SCAF4: variants seen among roughly 807,000 people sequenced by gnomAD.
The protein encoded by SCAF4 is SR-related CTD associated factor 4.
In SCAF4, 25 loss-of-function variants were observed where a neutral mutation model predicts 129.8. The observed-to-expected ratio is 0.19, with a 90% CI of 0.14 to 0.27. The LOEUF (loss-of-function observed/expected upper bound fraction) is 0.27. Ranked by LOEUF, SCAF4 falls within the 10% of genes least tolerant of loss-of-function variation. The pLI is 1.00. For missense variants in SCAF4, 1,246 were observed against 1,457.1 expected, an observed-to-expected ratio of 0.86 and a Z score of 2.36; for synonymous variants, 551 against 497.7, an observed-to-expected ratio of 1.11 and a Z score of -1.43.
chr21:31,701,254 A>C, intron 6 of SCAF4, 83 bp from the exon 7 acceptor site: 3 of 1,274,070 alleles, frequency 2.4e-6, no homozygotes, highest in Non-Finnish European at 2.1e-6. Context: ...AAATGTCTTA[A>C]AGGTGATTCA....
At position 31,703,822 on chromosome 21, in the gene SCAF4, G is replaced by A; in HGVS notation, c.264C>T (p.Phe88=). The change falls in exon 4 of 20, where the codon TTC becomes TTT. Residue 88 remains phenylalanine (F), a synonymous_variant. Coordinates refer to ENST00000286835, the MANE Select transcript of SCAF4 (RefSeq NM_020706.2). Reference sequence around the variant, plus strand: ...GGAATGTGGCAGTTATGTTTTTAGAGAATCTTGGCCCAAAAACATCTTTAT... The same window carrying A: ...GGAATGTGGCAGTTATGTTTTTAGAAAATCTTGGCCCAAAAACATCTTTAT... ...GTDKDVFGPR[F]SKNITATFQY... The A allele has an allele frequency of 6.3e-7, 1 of 1,595,494 alleles. No individual in the cohort carries two copies.
At chr21:31,675,146 G>C (rs1482971485) in intron 19 of SCAF4, among the ~76,000 whole-genome samples, 1 of 152,200 alleles carries the variant, frequency 6.6e-6, no homozygotes, top group East Asian at 1.9e-4. Context: ...AAAATGACTT[G>C]ATGAAAACTA....
intron 3 of SCAF4, 51 bp from the exon 4 acceptor site, chr21:31,703,977 T>G: frequency 8.8e-7 from 1 of 1,140,788 alleles, no homozygotes; most frequent in Non-Finnish European, 1.2e-6. Flanking sequence ...AGTCACAATC[T>G]GACACCCATT....
At chr21:31,678,534 C>G (rs1380087496) in intron 19 of SCAF4, among the ~76,000 whole-genome samples, 1 of 152,058 alleles carries the variant, frequency 6.6e-6, no homozygotes, top group Non-Finnish European at 1.5e-5. Flanking sequence ...AACTGCACAT[C>G]AGATCATGGC....
At chr21:31,685,362 G>A (rs760437290) in intron 18 of SCAF4, 36 bp downstream of exon 18, 1 of 1,571,688 alleles carries the variant, frequency 6.4e-7, no homozygotes, top group Non-Finnish European at 8.7e-7. Context: ...CCAGCTCCAA[G>A]AGGATAAGCA....
chr21:31,718,253 T>C (rs1430503122), intron 1 of SCAF4, among the ~76,000 whole-genome samples: 1 of 151,468 alleles, frequency 6.6e-6, no homozygotes, highest in African/African-American at 2.4e-5. Flanking sequence ...GCCTATATTT[T>C]TTTCAACATC....
intron 7 of SCAF4, 101 bp downstream of exon 7, chr21:31,700,894 G>A (rs952486876): frequency 1.1e-5 from 14 of 1,250,142 alleles, no homozygotes; most frequent in Non-Finnish European, 1.3e-5. Flanking sequence ...ATTACAAAAC[G>A]ACATAATGAA....
Position 31,671,167 on chromosome 21 carries a change from C to A in SCAF4, c.*232G>T. On this transcript the variant is annotated 3_prime_UTR_variant, in exon 20 of 20. Coordinates refer to ENST00000286835, the MANE Select transcript of SCAF4 (RefSeq NM_020706.2). ...TTACGATTTGTAAACTTTTTAAAGTCAAAACTTTTAAAAAGTTACAGCAAA... is the reference window on the plus strand; with the variant it reads ...TTACGATTTGTAAACTTTTTAAAGTAAAAACTTTTAAAAAGTTACAGCAAA... The A allele has an allele frequency of 5.2e-6, 2 of 382,440 alleles. No individual in the cohort carries two copies. The highest frequency in any genetic ancestry group is 4.2e-5 in the Admixed American group (1 of 23,624). 23.7% of individuals were successfully genotyped at this position (382,440 alleles called of 1,614,324 possible). A position where few individuals can be genotyped will look rare whatever the true frequency, so the allele number is the denominator to read the frequency against.
chr21:31,706,127 C>T (rs753057657), intron 2 of SCAF4, 147 bp downstream of exon 2: 51 of 642,074 alleles, frequency 7.9e-5, no homozygotes, highest in African/African-American at 1.1e-4. Flanking sequence ...TGCAAATGCA[C>T]GCTTATCATG....
chr21:31,694,711 T>G, intron 10 of SCAF4, 102 bp downstream of exon 10: 1 of 1,164,244 alleles, frequency 8.6e-7, no homozygotes, highest in South Asian at 1.3e-5. Context: ...ACCCAGGTCT[T>G]TCTTCATATT....
chr21:31,701,780 T>C lies in SCAF4; in HGVS notation c.596A>G (p.Gln199Arg). Residue 199 changes from glutamine (Q) to arginine (R), a missense_variant, in exon 6 of 20, where the codon CAA (glutamine) becomes CGA (arginine). Coordinates refer to ENST00000286835, the MANE Select transcript of SCAF4 (RefSeq NM_020706.2). ...VAQLFQTTQG[Q>R]QLQQILQTFQ... ...ACTTTTGAGTAGACAGTTTACCTGT[T>C]GGCCTTGAGTTGTCTGAAACAGCTG... The C allele has an allele frequency of 6.2e-7, 1 of 1,606,404 alleles. No homozygotes were observed. The highest frequency in any genetic ancestry group is 8.5e-7 in the Non-Finnish European group (1 of 1,177,932).
At position 31,731,927 on chromosome 21, in the gene SCAF4, G is replaced by C; in HGVS notation, c.-235C>G. On this transcript the variant is annotated 5_prime_UTR_variant, in exon 1 of 20. Coordinates refer to ENST00000286835, the MANE Select transcript of SCAF4 (RefSeq NM_020706.2). ...CCCGTTCGCAGGATGAGGAAAAGGAGGCGGCGGCAGCGCTGGTCTTCAACA... is the reference window on the plus strand; with the variant it reads ...CCCGTTCGCAGGATGAGGAAAAGGACGCGGCGGCAGCGCTGGTCTTCAACA... 1 of 490,068 alleles carries C rather than the reference G, an allele frequency of 2.0e-6. No homozygotes were observed. The highest frequency in any genetic ancestry group is 3.5e-6 in the Non-Finnish European group (1 of 282,348). The allele number at this position is 490,068 out of a possible 1,614,324, so 30.4% of individuals were successfully genotyped here. A position where few individuals can be genotyped will look rare whatever the true frequency, so the allele number is the denominator to read the frequency against.
In SCAF4 at chr21:31,728,194, G is replaced by A. The variant is rs535931479; in HGVS notation, c.30+3469C>T. The stretch of plus-strand genomic sequence containing the variant: ...GCCTCTACTCCCATCTAAAAGACTA[G>A]GGATTCAACACTACTAACTAAAGCT... On this transcript the variant is annotated intron_variant, in intron 1 of 19. Coordinates refer to ENST00000286835, the MANE Select transcript of SCAF4 (RefSeq NM_020706.2). Among the ~76,000 whole-genome samples, 29 of 152,158 alleles carry A rather than the reference G, an allele frequency of 1.9e-4. No homozygotes were observed. In the South Asian group the frequency reaches 5.8e-3, roughly 30 times the overall value.
chr21:31,703,833 C>A lies in SCAF4; in HGVS notation c.253G>T (p.Gly85Trp). ...HQFGTDKDVFGPRFSKNITAT... is the reference protein window; with the variant it reads ...HQFGTDKDVFWPRFSKNITAT... ...GTTATGTTTTTAGAGAATCTTGGCCCAAAAACATCTTTATCAGTTCCAAAC... is the reference window on the plus strand; with the variant it reads ...GTTATGTTTTTAGAGAATCTTGGCCAAAAAACATCTTTATCAGTTCCAAAC... Residue 85 changes from glycine to tryptophan, a missense_variant, in exon 4 of 20, where the codon GGG becomes TGG. By Grantham distance (184) the Gly-to-Trp change is radical (BLOSUM62 -2). Coordinates refer to ENST00000286835, the MANE Select transcript of SCAF4 (RefSeq NM_020706.2). The A allele has an allele frequency of 6.3e-7, 1 of 1,598,798 alleles. No individual in the cohort carries two copies. Among genetic ancestry groups the A allele is most frequent in the Non-Finnish European group, 8.6e-7 (1 of 1,168,214 alleles).
At chr21:31,683,646 T>A (rs762817679) in intron 19 of SCAF4, among the ~76,000 whole-genome samples, 10 of 151,966 alleles carry the variant, frequency 6.6e-5, no homozygotes, top group Non-Finnish European at 8.8e-5. Context: ...AGGGTGTGTA[T>A]GTGGGATGTG....
At chr21:31,717,894 TACACATATATACACACAC>T (rs1449891060) in intron 1 of SCAF4, among the ~76,000 whole-genome samples, 2 of 107,358 alleles carry the variant, frequency 1.9e-5, no homozygotes, top group African/African-American at 8.0e-5. Context: ...TACACATATA[TACACATATATACACACAC>T]ACACACACAC....
chr21:31,731,460 G>C (rs1192681304), intron 1 of SCAF4, among the ~76,000 whole-genome samples: 1 of 152,132 alleles, frequency 6.6e-6, no homozygotes, highest in East Asian at 1.9e-4. Context: ...GTGGGCAGTG[G>C]GGGGAGGGGT....
At position 31,694,814 on chromosome 21, in the gene SCAF4, T is replaced by C; in HGVS notation, c.1235A>G (p.Gln412Arg). The change falls in exon 10 of 20, where the codon CAG (glutamine) becomes CGG (arginine). Residue 412 changes from glutamine (Q) to arginine (R), a missense_variant and splice_region_variant. This residue lies in a region of SCAF4 where 236 missense variants were observed against 210.0 expected (regional missense o/e 1.12). Transcript: ENST00000286835. ...AACTATCTGAGAATAAAGTTTTACC[T>C]GCTGATGCGGCTTCTGTGTAAGTGG... ...NEPLTQKPHQ[Q>R]EMEVEQPCIQ... The C allele has an allele frequency of 6.2e-7, 1 of 1,614,066 alleles. No homozygotes were observed. The highest frequency in any genetic ancestry group is 1.1e-5 in the South Asian group (1 of 91,082).
In SCAF4 at chr21:31,685,378, A is replaced by G. The variant is rs375015258; in HGVS notation, c.2296+20T>C. 6.5e-5 allele frequency: 103 copies of G among 1,595,532 alleles called. 1 individual carries two copies. In the Middle Eastern group the frequency reaches 3.7e-3, roughly 58 times the overall value. On this transcript the variant is annotated intron_variant, in intron 18 of 19. Transcript: ENST00000286835. ...CAGCTCCAAGAGGATAAGCAAACAC[A>G]AAGAAAAAAACATGCTTACAGTTTG...
Sources: gnomAD v4.1 joint callset for allele counts (sites outside exome capture counted in the v4.1 genomes callset) on GRCh38, gnomAD v4.1.1 for gene constraint, gnomAD v4.1.1 regional missense constraint, MANE v1.5 for transcripts, NCBI Gene and HGNC (gene_info 2026-07-23, HGNC 2026-07-21) for gene names.